The following PIR variants were observed in gnomAD, a reference collection of about 807,000 sequenced individuals.
PIR encodes the protein pirin (iron-binding nuclear protein).
PIR carries 22 observed loss-of-function variants against 24.2 expected under a neutral mutation model. The ratio of observed to expected loss-of-function variants is 0.91; its 90% CI spans 0.65 to 1.30. The LOEUF (loss-of-function observed/expected upper bound fraction) is 1.30. PIR is among the 50% of genes most tolerant of loss of function. The pLI, the probability that PIR is intolerant of heterozygous loss-of-function variation, is 0.00. For missense variants in PIR, 220 were observed against 220.3 expected (o/e 1.00, Z 0.01); for synonymous variants, 80 against 79.6 (o/e 1.00, Z -0.03).
intron 3 of PIR, among the ~76,000 whole-genome samples, chrX:15,462,466 GA>G (rs754728271): frequency 6.5e-5 from 7 of 107,483 alleles, no homozygotes; most frequent in East Asian, 2.9e-4. Context: ...AAAGAAGAAA[GA>G]AAAAAAAATG....
At chrX:15,395,653 C>T (rs777779379) in intron 8 of PIR, among the ~76,000 whole-genome samples, 1 of 112,274 alleles carries the variant, frequency 8.9e-6, no homozygotes, top group African/African-American at 3.2e-5. Flanking sequence ...GCTTTACAAA[C>T]GTGTCCAAAG....
intron 3 of PIR, among the ~76,000 whole-genome samples, chrX:15,461,255 ACCAAAAAGC>A (rs1921286790): frequency 8.9e-6 from 1 of 112,023 alleles, no homozygotes; most frequent in African/African-American, 3.2e-5. Flanking sequence ...TCTCCACACC[ACCAAAAAGC>A]TGCCTCAGGA....
At chrX:15,445,040 T>A (rs1277937165) in intron 5 of PIR, among the ~76,000 whole-genome samples, 1 of 110,335 alleles carries the variant, frequency 9.1e-6, no homozygotes, top group Non-Finnish European at 1.9e-5. Flanking sequence ...ACTGCCCAGC[T>A]CTCCCTCTGT....
chrX:15,490,379 G>A (rs1284936659), intron 2 of PIR, among the ~76,000 whole-genome samples: 1 of 111,507 alleles, frequency 9.0e-6, no homozygotes, highest in Non-Finnish European at 1.9e-5. Context: ...TAGAGTTTAA[G>A]AGGGACAAAC....
intron 7 of PIR, among the ~76,000 whole-genome samples, 188 bp downstream of exon 7, chrX:15,407,318 C>T (rs1486479987): frequency 8.9e-6 from 1 of 112,312 alleles, no homozygotes; most frequent in Non-Finnish European, 1.9e-5. Flanking sequence ...TCTTCCCTCA[C>T]TGAATGTTCT....
At chrX:15,484,563 C>T (rs1922707715) in intron 2 of PIR, among the ~76,000 whole-genome samples, 1 of 110,530 alleles carries the variant, frequency 9.0e-6, no homozygotes, top group Admixed American at 9.7e-5. Flanking sequence ...GATCCACCCA[C>T]CTCAGCCTCC....
chrX:15,448,765 G>T (rs1165361153), intron 5 of PIR, among the ~76,000 whole-genome samples: 2 of 111,931 alleles, frequency 1.8e-5, no homozygotes, highest in African/African-American at 6.5e-5. Context: ...ATTACAAGAC[G>T]TGATCCCTGC....
chrX:15,447,788 C>T (rs1016916364), intron 5 of PIR, among the ~76,000 whole-genome samples: 39 of 111,685 alleles, frequency 3.5e-4, no homozygotes, highest in African/African-American at 1.3e-3. Flanking sequence ...ATACTATATC[C>T]TAAAAGGACA....
At chrX:15,409,916 T>A (rs1259467117) in intron 6 of PIR, among the ~76,000 whole-genome samples, 1 of 110,166 alleles carries the variant, frequency 9.1e-6, no homozygotes, top group Non-Finnish European at 1.9e-5. Context: ...TGTTTTCAGT[T>A]TTTTTTTTCT....
At chrX:15,433,470 GAGAAGC>G (rs1234440076) in intron 5 of PIR, among the ~76,000 whole-genome samples, 1 of 102,200 alleles carries the variant, frequency 9.8e-6, no homozygotes, top group Non-Finnish European at 2.0e-5. Flanking sequence ...GAAGGAGAAG[GAGAAGC>G]AGAAGAGGAA....
Position 15,396,983 on chromosome X carries a change from G to A in PIR, c.693+466C>T, listed in dbSNP as rs773797473. Among the ~76,000 whole-genome samples the A allele has an allele frequency of 4.4e-4, 49 of 111,805 alleles. No individual in the cohort carries two copies. In the East Asian group the frequency reaches 0.01, roughly 23 times the overall value. ...TCTCGATTTCCTGACATCGTGATCC[G>A]CCCGCCTCGGCCTCCCAAAGTGCTG... On this transcript the variant is annotated intron_variant, in intron 8 of 9. Transcript: ENST00000380420.
At chrX:15,445,409 T>C (rs1197574377) in intron 5 of PIR, among the ~76,000 whole-genome samples, 2 of 110,332 alleles carry the variant, frequency 1.8e-5, no homozygotes, top group African/African-American at 6.6e-5. Flanking sequence ...GGGGGAGGGA[T>C]AGCATTAGGA....
At chrX:15,475,045 G>GT (rs200655511) in intron 3 of PIR, among the ~76,000 whole-genome samples, 5,837 of 106,377 alleles carry the variant, frequency 0.055, 432 homozygotes, top group African/African-American at 0.18. Context: ...ATTTAATCAA[G>GT]TTTTTTTTTT....
intron 7 of PIR, among the ~76,000 whole-genome samples, chrX:15,403,777 G>T (rs1924463812): frequency 9.0e-6 from 1 of 111,079 alleles, no homozygotes; most frequent in African/African-American, 3.3e-5. Context: ...AAATTAAGAA[G>T]ATCCTTGAAA....
At chrX:15,399,230 T>C (rs1028356086) in intron 7 of PIR, among the ~76,000 whole-genome samples, 1 of 112,676 alleles carries the variant, frequency 8.9e-6, no homozygotes, top group Non-Finnish European at 1.9e-5. Flanking sequence ...AAGTTGGAGC[T>C]GAATAATCAA....
Position 15,455,980 on chromosome X carries a change from C to T in PIR, c.348G>A (p.Leu116=). The change falls in exon 5 of 10, where the codon CTG becomes CTA. Residue 116 remains leucine, a synonymous_variant. Coordinates refer to ENST00000380420, the MANE Select transcript of PIR (RefSeq NM_001018109.3). ...CSEEPAHGLQ[L]WVNLRSSEKM... ...TCTCTGAGCTCCTCAAATTAACCCA[C>T]AGTTGTAGGCCATGGGCTGGCTCCT... 8.3e-7 allele frequency: 1 copy of T among 1,211,444 alleles called. No individual in the cohort carries two copies. Among genetic ancestry groups the T allele is most frequent in the East Asian group, 3.0e-5 (1 of 33,860 alleles).
intron 5 of PIR, among the ~76,000 whole-genome samples, chrX:15,435,954 G>A (rs1925737044): frequency 8.9e-6 from 1 of 112,336 alleles, no homozygotes; most frequent in African/African-American, 3.2e-5. Context: ...ATTCTGATAA[G>A]CAATGGGAAA....
At chrX:15,454,887 A>C (rs112295970) in intron 5 of PIR, among the ~76,000 whole-genome samples, 2,241 of 111,975 alleles carry the variant, frequency 0.02, 61 homozygotes, top group African/African-American at 0.067. Context: ...GGAGCATGAA[A>C]GCCCGGCTCC....
At chrX:15,451,728 T>G (rs1191688648) in intron 5 of PIR, among the ~76,000 whole-genome samples, 2 of 112,294 alleles carry the variant, frequency 1.8e-5, no homozygotes, top group Non-Finnish European at 3.8e-5. Flanking sequence ...ACATGAGATG[T>G]TTAGCAGGCA....
Sources: gnomAD v4.1 joint callset for allele counts (sites outside exome capture counted in the v4.1 genomes callset) on GRCh38, gnomAD v4.1.1 for gene constraint, MANE v1.5 for transcripts, NCBI Gene and HGNC (gene_info 2026-07-23, HGNC 2026-07-21) for gene names.